Variants in TSHZ2 observed in about 807,000 individuals in gnomAD.
TSHZ2 encodes the protein teashirt zinc finger homeobox 2.
TSHZ2 carries 21 observed loss-of-function variants against 74.4 expected under a neutral mutation model. That is an observed-to-expected ratio of 0.28 (90% CI 0.20 to 0.41). The LOEUF (loss-of-function observed/expected upper bound fraction) is 0.41, where lower values mean the gene tolerates loss of function less well. Among genes scored for constraint, TSHZ2 ranks in the 10% least tolerant of loss-of-function variants. The probability of loss-of-function intolerance (pLI) is 1.00; values close to 1 mark genes in which losing one functional copy is unlikely to be tolerated. For missense variants in TSHZ2, 1,244 were observed against 1,293.5 expected, an observed-to-expected ratio of 0.96 and a Z score of 0.59; for synonymous variants, 540 against 515.3, an observed-to-expected ratio of 1.05 and a Z score of -0.65.
intron 1 of TSHZ2, among the ~76,000 whole-genome samples, chr20:52,983,763 A>G (rs1457297783): frequency 1.3e-5 from 2 of 152,362 alleles, no homozygotes; most frequent in South Asian, 2.1e-4. Context: ...TTGTGCATTC[A>G]TCTTCTAGAC....
rs540394629 is a variant in TSHZ2 at position 53,268,500 on chromosome 20, C to T, written c.*8+11929C>T. Among the ~76,000 whole-genome samples the T allele has an allele frequency of 5.8e-4, 89 of 152,276 alleles. 1 individual carries two copies. Among genetic ancestry groups the T allele is most frequent in the Middle Eastern group, 6.8e-3 (2 of 294 alleles). The stretch of plus-strand genomic sequence containing the variant: ...TGACTTAGAAACAGGATTTGAGTAC[C>T]ACTTCATGGCTAAGCATGTGCGGGA... On this transcript the variant is annotated intron_variant, in intron 2 of 2. Coordinates refer to ENST00000371497, the MANE Select transcript of TSHZ2 (RefSeq NM_173485.6).
chr20:53,155,905 C>T (rs1158207991), intron 1 of TSHZ2, among the ~76,000 whole-genome samples: 1 of 152,124 alleles, frequency 6.6e-6, no homozygotes. Context: ...ACAATACCAC[C>T]CCTGGATGTT....
At chr20:53,138,276 T>C (rs917067664) in intron 1 of TSHZ2, among the ~76,000 whole-genome samples, 4 of 151,468 alleles carry the variant, frequency 2.6e-5, no homozygotes, top group African/African-American at 9.7e-5. Context: ...CCCAGCTACT[T>C]GGGAGGCTGA....
chr20:53,390,362 T>C (rs899785839), intron 2 of TSHZ2, among the ~76,000 whole-genome samples: 2 of 152,192 alleles, frequency 1.3e-5, no homozygotes, highest in Non-Finnish European at 2.9e-5. Context: ...CTTTTCTGTA[T>C]ACACTAGTGG....
At chr20:53,292,431 T>C (rs563994850) in intron 2 of TSHZ2, among the ~76,000 whole-genome samples, 10 of 145,146 alleles carry the variant, frequency 6.9e-5, no homozygotes, top group Admixed American at 2.1e-4. Flanking sequence ...GGCCAGTAAA[T>C]GCACACAAAC....
intron 1 of TSHZ2, among the ~76,000 whole-genome samples, chr20:52,991,053 T>C (rs1981966403): frequency 6.6e-6 from 1 of 152,180 alleles, no homozygotes; most frequent in South Asian, 2.1e-4. Flanking sequence ...ACATGTGTGA[T>C]GTATGTTGTG....
In TSHZ2 at chr20:53,209,594, C is replaced by T. The variant is rs564870644; in HGVS notation, c.41-43905C>T. Among the ~76,000 whole-genome samples the T allele has an allele frequency of 2.6e-5, 4 of 152,260 alleles. No individual in the cohort carries two copies. In the East Asian group the frequency reaches 7.7e-4, roughly 29 times the overall value. Reference sequence around the variant, plus strand: ...CGTAAAAAAGATACTGACAGGTGGCCCTACCCTGCTGAGGTTTTAAGAGTG... The same window carrying T: ...CGTAAAAAAGATACTGACAGGTGGCTCTACCCTGCTGAGGTTTTAAGAGTG... On this transcript the variant is annotated intron_variant, in intron 1 of 2. Coordinates refer to ENST00000371497, the MANE Select transcript of TSHZ2 (RefSeq NM_173485.6).
At chr20:53,388,656 C>T (rs2145653793) in intron 2 of TSHZ2, among the ~76,000 whole-genome samples, 1 of 150,904 alleles carries the variant, frequency 6.6e-6, no homozygotes, top group Non-Finnish European at 1.5e-5. Flanking sequence ...TGGCTCACTG[C>T]AACCTCTGCC....
chr20:53,461,090 C>T (rs1985344892), intron 2 of TSHZ2, among the ~76,000 whole-genome samples: 1 of 152,136 alleles, frequency 6.6e-6, no homozygotes, highest in South Asian at 2.1e-4. Context: ...TTCCCGGCTG[C>T]TTTGTTTACC....
chr20:53,152,539 G>C (rs1237694075), intron 1 of TSHZ2, among the ~76,000 whole-genome samples: 1 of 152,168 alleles, frequency 6.6e-6, no homozygotes, highest in Admixed American at 6.5e-5. Flanking sequence ...CACAGACCAG[G>C]GGTGGCCAAT....
chr20:53,437,281 T>C (rs190113642), intron 2 of TSHZ2, among the ~76,000 whole-genome samples: 1 of 152,252 alleles, frequency 6.6e-6, no homozygotes, highest in Admixed American at 6.5e-5. Flanking sequence ...AAGACCAGCC[T>C]GGCCAACATG....
chr20:53,199,358 C>T lies in TSHZ2; in HGVS notation c.41-54141C>T, dbSNP rs371957517. ...GCGTGGTGGCACACGCCTGTAATCC[C>T]AGCTACTCAGGAAGCAGAGGCATGA... On this transcript the variant is annotated intron_variant, in intron 1 of 2. Transcript: ENST00000371497. 4.7e-4 allele frequency among the ~76,000 whole-genome samples: 72 copies of T among 152,212 alleles called. 1 individual carries two copies. The highest frequency in any genetic ancestry group is 4.1e-3 in the East Asian group (21 of 5,178).
chr20:53,169,354 C>T (rs185475102), intron 1 of TSHZ2, among the ~76,000 whole-genome samples: 1 of 152,316 alleles, frequency 6.6e-6, no homozygotes, highest in Admixed American at 6.5e-5. Context: ...TTGCTCCAGC[C>T]GTGTTGAGCT....
chr20:52,996,662 G>A (rs150115145), intron 1 of TSHZ2, among the ~76,000 whole-genome samples: 243 of 152,242 alleles, frequency 1.6e-3, no homozygotes, highest in African/African-American at 5.0e-3. Flanking sequence ...TATATTGTGC[G>A]TTTGAGCTTT....
At chr20:53,364,163 C>G (rs956816684) in intron 2 of TSHZ2, among the ~76,000 whole-genome samples, 5 of 152,166 alleles carry the variant, frequency 3.3e-5, no homozygotes, top group Non-Finnish European at 7.4e-5. Context: ...CGACTCCTTG[C>G]AGGGCATGGT....
At chr20:53,451,745 T>A (rs550112914) in intron 2 of TSHZ2, among the ~76,000 whole-genome samples, 2 of 152,332 alleles carry the variant, frequency 1.3e-5, no homozygotes, top group East Asian at 3.9e-4. Flanking sequence ...TTATAATATT[T>A]TTATTATGTG....
chr20:53,137,280 T>C (rs1043970028), intron 1 of TSHZ2, among the ~76,000 whole-genome samples: 1 of 149,372 alleles, frequency 6.7e-6, no homozygotes, highest in Non-Finnish European at 1.5e-5. Flanking sequence ...GACAGATGGA[T>C]AATATATTCG....
intron 1 of TSHZ2, among the ~76,000 whole-genome samples, chr20:53,145,937 G>GA (rs1015049969): frequency 6.6e-6 from 1 of 152,152 alleles, no homozygotes; most frequent in African/African-American, 2.4e-5. Flanking sequence ...TCTGATTTGA[G>GA]AAAAAACTTA....
chr20:53,296,282 T>G (rs189467308), intron 2 of TSHZ2, among the ~76,000 whole-genome samples: 1 of 152,220 alleles, frequency 6.6e-6, no homozygotes, highest in Non-Finnish European at 1.5e-5. Flanking sequence ...GCCCACTTCC[T>G]GACTTAAGGA....
Sources: gnomAD v4.1 joint callset for allele counts (sites outside exome capture counted in the v4.1 genomes callset) on GRCh38, gnomAD v4.1.1 for gene constraint, MANE v1.5 for transcripts, NCBI Gene and HGNC (gene_info 2026-07-23, HGNC 2026-07-21) for gene names.